EVI5: variants seen among roughly 807,000 people sequenced by gnomAD.
EVI5 encodes ecotropic viral integration site 5, also known as ecotropic viral integration site 5 protein homolog.
EVI5 carries 73 observed loss-of-function variants against 112.0 expected under a neutral mutation model. That is an observed-to-expected ratio of 0.65 (90% CI 0.54 to 0.79). The LOEUF (loss-of-function observed/expected upper bound fraction) is 0.79, where lower values mean the gene tolerates loss of function less well. Ranked by LOEUF, EVI5 falls within the 30% of genes least tolerant of loss-of-function variation. The pLI is 0.00. For missense variants in EVI5, 900 were observed against 968.8 expected (o/e 0.93, Z 0.94); for synonymous variants, 305 against 319.9 (o/e 0.95, Z 0.50).
At chr1:92,603,890 G>A (rs1481629851) in intron 18 of EVI5, among the ~76,000 whole-genome samples, 1 of 151,812 alleles carries the variant, frequency 6.6e-6, no homozygotes, top group Non-Finnish European at 1.5e-5. Context: ...GCACCACCAG[G>A]TCCAACTAAT....
At chr1:92,769,950 T>C (rs1363875376) in intron 1 of EVI5, among the ~76,000 whole-genome samples, 2 of 152,172 alleles carry the variant, frequency 1.3e-5, no homozygotes, top group South Asian at 4.1e-4. Context: ...GTGACTGATA[T>C]AATCACATAA....
At chr1:92,750,391 A>T (rs1404404727) in intron 1 of EVI5, among the ~76,000 whole-genome samples, 1 of 152,242 alleles carries the variant, frequency 6.6e-6, no homozygotes, top group East Asian at 1.9e-4. Flanking sequence ...AAACTAAGTC[A>T]TCTTTCATAT....
chr1:92,630,324 G>C (rs865964773), intron 14 of EVI5, among the ~76,000 whole-genome samples: 3,956 of 151,332 alleles, frequency 0.026, 131 homozygotes, highest in African/African-American at 0.074. Flanking sequence ...TCCTCTCCAG[G>C]ACCTGTTGTT....
rs1677434515 is a variant in EVI5 at position 92,736,418 on chromosome 1, A to T, written c.129T>A (p.Ala43=). 3.7e-6 allele frequency: 6 copies of T among 1,611,334 alleles called. No individual in the cohort carries two copies. Among genetic ancestry groups the T allele is most frequent in the Non-Finnish European group, 5.1e-6 (6 of 1,177,516 alleles). ...QLSPDDLELL[A]KLEEQNRLLE... ...CTCACCTATTCTGTTCTTCCAGTTT[A>T]GCCAGGAGTTCTAAGTCGTCTGGAC... The change falls in exon 2 of 20, where the codon GCT becomes GCA. Residue 43 remains alanine, a synonymous_variant. Transcript: ENST00000684568.
chr1:92,541,617 T>TAC (rs1455117361), intron 19 of EVI5, among the ~76,000 whole-genome samples: 1 of 152,180 alleles, frequency 6.6e-6, no homozygotes, highest in Non-Finnish European at 1.5e-5. Flanking sequence ...ACTACGCATA[T>TAC]ACTCAGACCA....
intron 19 of EVI5, among the ~76,000 whole-genome samples, chr1:92,543,135 G>A (rs148022314): frequency 1.1e-3 from 174 of 152,290 alleles, no homozygotes; most frequent in African/African-American, 4.0e-3. Context: ...AAGCCATAGA[G>A]GGCATCTTCC....
At chr1:92,614,828 TTA>T (rs936721495) in intron 16 of EVI5, among the ~76,000 whole-genome samples, 4 of 76,376 alleles carry the variant, frequency 5.2e-5, no homozygotes, top group African/African-American at 1.7e-4. Context: ...TACATGTATT[TTA>T]TGTTATATTT....
chr1:92,580,848 A>G (rs1671826165), intron 18 of EVI5: 1 of 152,610 alleles, frequency 6.6e-6, no homozygotes, highest in Non-Finnish European at 1.5e-5. Context: ...GTGGACTACC[A>G]GCCACTTGTT....
At chr1:92,754,044 T>C (rs1005279847) in intron 1 of EVI5, among the ~76,000 whole-genome samples, 20 of 152,182 alleles carry the variant, frequency 1.3e-4, no homozygotes, top group African/African-American at 4.8e-4. Context: ...AAAAGCCACA[T>C]GCCATAACTT....
chr1:92,604,929 T>C (rs1571843576), intron 18 of EVI5, among the ~76,000 whole-genome samples: 1 of 152,354 alleles, frequency 6.6e-6, no homozygotes, highest in South Asian at 2.1e-4. Flanking sequence ...ATCCCACTTA[T>C]ATGAGGTAAC....
intron 16 of EVI5, among the ~76,000 whole-genome samples, chr1:92,617,630 A>G (rs1434838441): frequency 6.6e-6 from 1 of 152,204 alleles, no homozygotes; most frequent in Non-Finnish European, 1.5e-5. Context: ...CCACTCACCA[A>G]GGCTGACCTG....
intron 1 of EVI5, among the ~76,000 whole-genome samples, chr1:92,762,068 C>T (rs141677845): frequency 1.3e-5 from 2 of 152,092 alleles, no homozygotes; most frequent in African/African-American, 4.8e-5. Context: ...CAAAGATACA[C>T]AGAGCACTGG....
intron 11 of EVI5, 52 bp downstream of exon 11, chr1:92,665,887 G>GA (rs1664801117): frequency 2.6e-5 from 33 of 1,291,772 alleles, no homozygotes; most frequent in Non-Finnish European, 3.3e-5. Context: ...TAAATATACA[G>GA]AAAAAACACC....
chr1:92,668,754 C>A (rs1183851560), intron 10 of EVI5, among the ~76,000 whole-genome samples: 1 of 152,196 alleles, frequency 6.6e-6, no homozygotes, highest in Non-Finnish European at 1.5e-5. Context: ...TCAGTTAATA[C>A]AGACCATTTC....
intron 18 of EVI5, among the ~76,000 whole-genome samples, chr1:92,602,451 A>T (rs1265915244): frequency 1.3e-5 from 2 of 152,206 alleles, no homozygotes; most frequent in African/African-American, 4.8e-5. Context: ...ATTGGAGTGC[A>T]GTGGCTTGAT....
intron 13 of EVI5, among the ~76,000 whole-genome samples, chr1:92,643,512 C>G (rs548023653): frequency 4.6e-5 from 7 of 152,018 alleles, no homozygotes; most frequent in Non-Finnish European, 1.0e-4. Flanking sequence ...CGGCCTCAAG[C>G]AATCCTCTTG....
upstream of EVI5, among the ~76,000 whole-genome samples, chr1:92,789,100 G>A (rs1281206166): frequency 6.6e-6 from 1 of 152,100 alleles, no homozygotes; most frequent in Non-Finnish European, 1.5e-5. Context: ...ATTAGGCCCT[G>A]TAGCACTTCT....
intron 13 of EVI5, among the ~76,000 whole-genome samples, chr1:92,655,347 A>C (rs961055721): frequency 6.6e-6 from 1 of 152,120 alleles, no homozygotes; most frequent in Non-Finnish European, 1.5e-5. Flanking sequence ...AAAGAAAAAA[A>C]AAAACCTGTC....
At chr1:92,692,909 G>A (rs762724311) in intron 9 of EVI5, among the ~76,000 whole-genome samples, 4 of 152,148 alleles carry the variant, frequency 2.6e-5, no homozygotes, top group African/African-American at 4.8e-5. Context: ...CGCAGGCTAA[G>A]AATTAAGTAC....
Sources: gnomAD v4.1 joint callset for allele counts (sites outside exome capture counted in the v4.1 genomes callset) on GRCh38, gnomAD v4.1.1 for gene constraint, MANE v1.5 for transcripts, NCBI Gene and HGNC (gene_info 2026-07-23, HGNC 2026-07-21) for gene names.